The following ATM variants were observed in gnomAD, a reference collection of about 807,000 sequenced individuals.
ATM encodes serine-protein kinase ATM.
A neutral mutation model predicts 387.0 loss-of-function variants in ATM; 308 were observed. That is an observed-to-expected ratio of 0.80 (90% CI 0.73 to 0.87). The LOEUF (loss-of-function observed/expected upper bound fraction) is 0.87, where lower values mean the gene tolerates loss of function less well. Among genes scored for constraint, ATM ranks in the 40% least tolerant of loss-of-function variants. The pLI is 0.00. For missense variants in ATM, 3,312 were observed against 3,560.9 expected, an observed-to-expected ratio of 0.93 and a Z score of 1.78; for synonymous variants, 1,156 against 1,187.3, an observed-to-expected ratio of 0.97 and a Z score of 0.54.
In ATM at chr11:108,321,455, G is replaced by A. The variant is rs201646873; in HGVS notation, c.6572+35G>A. The stretch of plus-strand genomic sequence containing the variant: ...TCGTATGACTTTGTTATCCTAAAGT[G>A]CAGCTTTTCTGTTACCAATAGTGAC... On this transcript the variant is annotated intron_variant, in intron 45 of 62. Transcript: ENST00000675843. 75 of 1,613,530 alleles carry A rather than the reference G, an allele frequency of 4.6e-5. No individual in the cohort carries two copies. In the African/African-American group the frequency reaches 8.7e-4, roughly 19 times the overall value.
chr11:108,278,632 AGT>A (rs1160066661), intron 22 of ATM, among the ~76,000 whole-genome samples: 1 of 152,206 alleles, frequency 6.6e-6, no homozygotes, highest in African/African-American at 2.4e-5. Context: ...AAGAGGAATC[AGT>A]GTGTGCAGAG....
rs746090916 is a variant in ATM, at chr11:108,259,052, A to G, written c.2443A>G (p.Ile815Val). The change falls in exon 16 of 63, where the codon ATT becomes GTT. Residue 815 changes from isoleucine (I) to valine (V), a missense_variant. Physicochemically the swap from Ile to Val is conservative, Grantham distance 29 (BLOSUM62 3). This residue lies in a region of ATM where 1,791 missense variants were observed against 1,804.5 expected (regional missense o/e 0.99). Coordinates refer to ENST00000675843, the MANE Select transcript of ATM (RefSeq NM_000051.4). Reference protein sequence around the residue: ...RLLTSKLMNDIADICKSLASF... With the variant: ...RLLTSKLMNDVADICKSLASF... ...GTTAACATCAAAGCTAATGAATGAC[A>G]TTGCAGATATTTGTAAAAGTTTAGT... 8.1e-6 allele frequency: 13 copies of G among 1,613,448 alleles called. No homozygotes were observed. Among genetic ancestry groups the G allele is most frequent in the South Asian group, 6.6e-5 (6 of 91,074 alleles).
intron 5 of ATM, among the ~76,000 whole-genome samples, chr11:108,236,965 A>G (rs2079310937): frequency 6.6e-6 from 1 of 152,210 alleles, no homozygotes; most frequent in African/African-American, 2.4e-5. Context: ...GAACTCTAAA[A>G]GTTTAGAAGC....
At chr11:108,289,476 GTTAT>G in intron 28 of ATM, 122 bp from the exon 29 acceptor site, 1 of 762,932 alleles carries the variant, frequency 1.3e-6, no homozygotes, top group Non-Finnish European at 2.0e-6. Context: ...TCTAAATTCT[GTTAT>G]TTAGTTATTT....
rs2083437914 is a variant in ATM, at chr11:108,301,673, A to G, written c.5203A>G (p.Thr1735Ala). 1 of 1,613,628 alleles carries G rather than the reference A, an allele frequency of 6.2e-7. No homozygotes were observed. The highest frequency in any genetic ancestry group is 1.3e-5 in the African/African-American group (1 of 74,914). The change falls in exon 35 of 63, where the codon ACC becomes GCC. Residue 1735 changes from threonine to alanine, a missense_variant. Transcript: ENST00000675843. ...DCVKVRSAAV[T>A]CLKNILATKT... ...TGTCAAAGTTCGATCAGCAGCTGTT[A>G]CCTGTTTGAAAAACATTTTAGCCAC...
intron 14 of ATM, 126 bp from the exon 15 acceptor site, chr11:108,257,355 A>G (rs1022161131): frequency 1.7e-6 from 2 of 1,201,078 alleles, no homozygotes; most frequent in Non-Finnish European, 2.3e-6. Flanking sequence ...AAAACATTTC[A>G]TTTTTTCTCT....
At chr11:108,279,348 T>C in intron 22 of ATM, 143 bp from the exon 23 acceptor site, 1 of 675,626 alleles carries the variant, frequency 1.5e-6, no homozygotes, top group South Asian at 1.7e-5. Context: ...ACTCAGGTTT[T>C]GTTAGTCTTT....
chr11:108,262,920 A>G (rs11530724), intron 16 of ATM, among the ~76,000 whole-genome samples: 78,543 of 144,824 alleles, frequency 0.54, 21,065 homozygotes, highest in Middle Eastern at 0.73. Flanking sequence ...GATCAATTCA[A>G]CAAGAAGAGC....
intron 26 of ATM, among the ~76,000 whole-genome samples, chr11:108,286,344 G>A (rs2082491851): frequency 7.4e-6 from 1 of 135,126 alleles, no homozygotes; most frequent in Non-Finnish European, 1.6e-5. Flanking sequence ...AAAAAGAATT[G>A]TATAAAACAC....
At chr11:108,266,071 TGTG>T (rs2081217492) in intron 16 of ATM, among the ~76,000 whole-genome samples, 1 of 151,894 alleles carries the variant, frequency 6.6e-6, no homozygotes, top group African/African-American at 2.4e-5. Context: ...TGGAAGTCAG[TGTG>T]GTGATTCCTC....
rs2135670894 is a variant in ATM, at chr11:108,281,188, T to A, written c.3576+20T>A. 1 of 1,609,608 alleles carries A rather than the reference T, an allele frequency of 6.2e-7. No homozygotes were observed. Among genetic ancestry groups the A allele is most frequent in the Non-Finnish European group, 8.5e-7 (1 of 1,176,020 alleles). The stretch of plus-strand genomic sequence containing the variant: ...AAAAAGGTATATATGGATGAGTATT[T>A]TATTAGAAGCTTCCTTAGGTCACTG... On this transcript the variant is annotated intron_variant, in intron 24 of 62. Coordinates refer to ENST00000675843, the MANE Select transcript of ATM (RefSeq NM_000051.4).
intron 22 of ATM, among the ~76,000 whole-genome samples, chr11:108,278,575 T>C (rs145296078): frequency 6.6e-4 from 100 of 152,324 alleles, no homozygotes; most frequent in Middle Eastern, 3.4e-3. Context: ...TTATTTGGCA[T>C]ATGGCGTCTA....
rs1369400291 is a variant in ATM, at chr11:108,362,495, C to T, written c.8851-2587C>T. Among the ~76,000 whole-genome samples the T allele has an allele frequency of 3.3e-3, 496 of 149,874 alleles. 2 individuals are homozygous for T. Among genetic ancestry groups the T allele is most frequent in the African/African-American group, 0.012 (483 of 41,104 alleles). On this transcript the variant is annotated intron_variant, in intron 61 of 62. Coordinates refer to ENST00000675843, the MANE Select transcript of ATM (RefSeq NM_000051.4). ...AATCATGCTGCTATAAAGACACATG[C>T]ACACGTATGTTTATTGCGGCATTAT...
intron 5 of ATM, chr11:108,236,163 G>T (rs1442562273): frequency 2.9e-6 from 1 of 344,302 alleles, no homozygotes; most frequent in Non-Finnish European, 5.5e-6. Context: ...GACATATTTG[G>T]GTTCAGTAGG....
At chr11:108,233,267 C>T (rs1043326385) in intron 4 of ATM, among the ~76,000 whole-genome samples, 8 of 152,118 alleles carry the variant, frequency 5.3e-5, no homozygotes, top group African/African-American at 1.9e-4. Flanking sequence ...CATAAGATTC[C>T]TGAAAGTCTC....
At chr11:108,328,063 G>T (rs1468774503) in intron 48 of ATM, among the ~76,000 whole-genome samples, 1 of 152,106 alleles carries the variant, frequency 6.6e-6, no homozygotes, top group Non-Finnish European at 1.5e-5. Context: ...AAAAATAACT[G>T]ATTAAGAATA....
chr11:108,308,090 T>G, intron 38 of ATM, 106 bp downstream of exon 38: 1 of 1,049,366 alleles, frequency 9.5e-7, no homozygotes, highest in East Asian at 2.6e-5. Flanking sequence ...TTGCAAAGTG[T>G]TATATTTAAT....
At chr11:108,265,791 AAAAC>A (rs1469386893) in intron 16 of ATM, among the ~76,000 whole-genome samples, 18 of 121,656 alleles carry the variant, frequency 1.5e-4, no homozygotes, top group African/African-American at 3.0e-4. Context: ...TTACAAGAAA[AAAAC>A]AAACAACCCC....
rs1367415386 is a variant in ATM at position 108,329,353 on chromosome 11, T to C, written c.7307+115T>C. 3 of 957,362 alleles carry C rather than the reference T, an allele frequency of 3.1e-6. No individual in the cohort carries two copies. In the Admixed American group the frequency reaches 7.0e-5, roughly 22 times the overall value. The allele number at this position is 957,362 out of a possible 1,614,324, so 59.3% of individuals were successfully genotyped here. A position where few individuals can be genotyped will look rare whatever the true frequency, so the allele number is the denominator to read the frequency against. ...CTGATATAGTTTTGAGCTCTAAAGG[T>C]CGGCTTAACTATATATAGATTATCT... On this transcript the variant is annotated intron_variant, in intron 49 of 62. Transcript: ENST00000675843.
Sources: allele counts gnomAD v4.1 joint callset (sites outside exome capture counted in the v4.1 genomes callset), GRCh38; gene constraint gnomAD v4.1.1; regional missense constraint gnomAD v4.1.1; transcripts MANE v1.5; gene names NCBI Gene and HGNC (gene_info 2026-07-23, HGNC 2026-07-21).